CLDN5: variants seen among roughly 807,000 people sequenced by gnomAD.
CLDN5 encodes claudin 5, also known as claudin-5.
In CLDN5, 4 loss-of-function variants were observed where a neutral mutation model predicts 1.3. That is an observed-to-expected ratio of 3.07 (90% CI 1.51 to 7.03). The LOEUF is 7.03. CLDN5 is among the 30% of genes most tolerant of loss of function. The pLI, the probability that CLDN5 is intolerant of heterozygous loss-of-function variation, is 0.00. For synonymous variants in CLDN5, 156 were observed against 152.3 expected, an observed-to-expected ratio of 1.02 and a Z score of -0.18; for missense variants, 225 against 303.5, an observed-to-expected ratio of 0.74 and a Z score of 1.92.
upstream of CLDN5, chr22:19,524,941 A>G (rs753078134): frequency 3.9e-6 from 4 of 1,024,252 alleles, no homozygotes; most frequent in Non-Finnish European, 4.7e-6. Context: ...CTCACTCTCC[A>G]GCCCCGCTCT....
chr22:19,523,711 C>A lies in CLDN5; in HGVS notation c.545G>T (p.Cys182Phe), dbSNP rs2146465287. The A allele has an allele frequency of 6.2e-7, 1 of 1,606,866 alleles. No individual in the cohort carries two copies. Among genetic ancestry groups the A allele is most frequent in the South Asian group, 1.1e-5 (1 of 90,730 alleles). ...ALLMVGGCLL[C>F]CGAWVCTGRP... The stretch of plus-strand genomic sequence containing the variant: ...GCCGGTGCAGACCCAGGCGCCGCAG[C>A]ACAAGAGGCAGCCGCCTACCATGAG... Residue 182 changes from cysteine to phenylalanine, a missense_variant, in exon 1 of 1, where the codon TGC becomes TTC. Cys to Phe is a radical substitution (Grantham distance 205). Transcript: ENST00000618236.
Position 19,523,582 on chromosome 22 carries a change from G to A in CLDN5, c.*17C>T, listed in dbSNP as rs780765409. ...CAGGCGTGGCTGGCAGGAGGGGCCC[G>A]GCCGTGCCCAGCGCCCTCAGACGTA... On this transcript the variant is annotated 3_prime_UTR_variant, in exon 1 of 1. Coordinates refer to ENST00000618236, the MANE Select transcript of CLDN5 (RefSeq NM_001363066.2). 2 of 1,545,640 alleles carry A rather than the reference G, an allele frequency of 1.3e-6. No homozygotes were observed. Among genetic ancestry groups the A allele is most frequent in the South Asian group, 1.2e-5 (1 of 82,590 alleles).
At position 19,524,313 on chromosome 22, in the gene CLDN5, G is replaced by C; in HGVS notation, c.-58C>G. 6.6e-7 allele frequency: 1 copy of C among 1,516,676 alleles called. No homozygotes were observed. Among genetic ancestry groups the C allele is most frequent in the Non-Finnish European group, 8.8e-7 (1 of 1,131,268 alleles). 94.0% of individuals were successfully genotyped at this position (1,516,676 alleles called of 1,614,324 possible). A position where few individuals can be genotyped will look rare whatever the true frequency, so the allele number is the denominator to read the frequency against. ...CAGAACCCCCAAGGCCGTGCTGCGC[G>C]GCGCCCTGGGCGGGCCCTGGTGCCT... On this transcript the variant is annotated 5_prime_UTR_variant, in exon 1 of 1. Coordinates refer to ENST00000618236, the MANE Select transcript of CLDN5 (RefSeq NM_001363066.2).
upstream of CLDN5, chr22:19,525,238 T>A: frequency 1.0e-6 from 1 of 1,000,426 alleles, no homozygotes; most frequent in Non-Finnish European, 1.2e-6. Flanking sequence ...GTGACACCAC[T>A]TCAGGAAGTT....
chr22:19,525,021 C>T (rs1381303564), upstream of CLDN5: 2 of 1,003,108 alleles, frequency 2.0e-6, no homozygotes, highest in African/African-American at 3.5e-5. Context: ...AGGTCAGGCC[C>T]AGGGCCCCAG....
At position 19,523,454 on chromosome 22, in the gene CLDN5, C is replaced by G; in HGVS notation, c.*145G>C. The G allele has an allele frequency of 8.4e-7, 1 of 1,190,098 alleles. No homozygotes were observed. Among genetic ancestry groups the G allele is most frequent in the Non-Finnish European group, 1.1e-6 (1 of 889,044 alleles). The allele number at this position is 1,190,098 out of a possible 1,614,324, so 73.7% of individuals were successfully genotyped here. ...CGCAGGCAGGAGCGGATCCAGGAGC[C>G]GCGTCGGGGCGCAGAGCCGGACGTT... On this transcript the variant is annotated 3_prime_UTR_variant, in exon 1 of 1. Coordinates refer to ENST00000618236, the MANE Select transcript of CLDN5 (RefSeq NM_001363066.2).
chr22:19,524,659 T>A (rs955418146), upstream of CLDN5: 1 of 1,335,200 alleles, frequency 7.5e-7, no homozygotes, highest in African/African-American at 1.6e-5. Flanking sequence ...GAGCGCATTC[T>A]GGGCTGGCCT....
upstream of CLDN5, chr22:19,525,259 C>T: frequency 1.0e-6 from 1 of 1,000,318 alleles, no homozygotes; most frequent in Non-Finnish European, 1.2e-6. Flanking sequence ...CCCAGTGACC[C>T]AGCACACTGG....
At position 19,523,616 on chromosome 22, in the gene CLDN5, TGTC is replaced by T. The variant is rs749006228; in HGVS notation, c.637_639del (p.Asp213del). On this transcript the variant is annotated inframe_deletion, in exon 1 of 1. Coordinates refer to ENST00000618236, the MANE Select transcript of CLDN5 (RefSeq NM_001363066.2). ...CAGCGCCCTCAGACGTAGTTCTTCT[TGTC>T]GTAGTCGCCGGTGGCCGTGGGCCGC... 10 of 1,596,298 alleles carry T rather than the reference TGTC, an allele frequency of 6.3e-6. No homozygotes were observed. The highest frequency in any genetic ancestry group is 4.4e-5 in the South Asian group (4 of 90,554).
Position 19,524,093 on chromosome 22 carries a change from C to A in CLDN5, c.163G>T (p.Val55Leu), listed in dbSNP as rs1403627357. 1 of 1,606,698 alleles carries A rather than the reference C, an allele frequency of 6.2e-7. No individual in the cohort carries two copies. The highest frequency in any genetic ancestry group is 8.5e-7 in the Non-Finnish European group (1 of 1,179,702). The change falls in exon 1 of 1, where the codon GTG becomes TTG. Residue 55 changes from valine to leucine, a missense_variant. Physicochemically the swap from Val to Leu is conservative, Grantham distance 32. Coordinates refer to ENST00000618236, the MANE Select transcript of CLDN5 (RefSeq NM_001363066.2). ...TTWKGLWMSC[V>L]VQSTGHMQCK... is the part of the protein sequence containing the mutation. ...TGCATGTGCCCGGTGCTCTGCACCACGCACGACATCCACAGCCCCTTCCAG... is the reference window on the plus strand; with the variant it reads ...TGCATGTGCCCGGTGCTCTGCACCAAGCACGACATCCACAGCCCCTTCCAG...
upstream of CLDN5, chr22:19,524,474 C>T: frequency 7.0e-7 from 1 of 1,433,458 alleles, no homozygotes; most frequent in South Asian, 1.5e-5. Flanking sequence ...CGGGCCCGGC[C>T]CCCCGGCCCG....
chr22:19,524,928 A>T, upstream of CLDN5: 1 of 1,034,046 alleles, frequency 9.7e-7, no homozygotes, highest in Non-Finnish European at 1.2e-6. Context: ...CCTTTCTCGC[A>T]CTCTCACTCT....
chr22:19,523,647 C>T lies in CLDN5; in HGVS notation c.609G>A (p.Pro203=). Residue 203 remains proline (P), a synonymous_variant, in exon 1 of 1, where the codon CCG becomes CCA. Transcript: ENST00000618236. Reference sequence around the variant, plus strand: ...AGTCGCCGGTGGCCGTGGGCCGCCGCGGCGCTGAGTACTTCACGGGGAAGC... The same window carrying T: ...AGTCGCCGGTGGCCGTGGGCCGCCGTGGCGCTGAGTACTTCACGGGGAAGC... The part of the protein sequence containing the change: ...DLSFPVKYSA[P]RRPTATGDYD... 5 of 1,602,510 alleles carry T rather than the reference C, an allele frequency of 3.1e-6. No homozygotes were observed. The highest frequency in any genetic ancestry group is 1.3e-5 in the African/African-American group (1 of 74,858).
chr22:19,524,243 C>T lies in CLDN5; in HGVS notation c.13G>A (p.Ala5Thr). ...AGCACCAGGCCCAGGATCTCCAACG[C>T]TGCGGACCCCATGGCTAGAGGCGAG... MGSA[A>T]LEILGLVLCL... Residue 5 changes from alanine (A) to threonine (T), a missense_variant, in exon 1 of 1, where the codon GCG (alanine) becomes ACG (threonine). Around this residue, in one of 3 missense-constraint regions of CLDN5, gnomAD observed 41 missense variants for 40.5 expected, o/e 1.01. Transcript: ENST00000618236. 6.3e-7 allele frequency: 1 copy of T among 1,582,216 alleles called. No homozygotes were observed. Among genetic ancestry groups the T allele is most frequent in the South Asian group, 1.1e-5 (1 of 87,482 alleles).
In CLDN5 at chr22:19,523,674, G is replaced by C; in HGVS notation, c.582C>G (p.Leu194=). Residue 194 remains leucine, a synonymous_variant, in exon 1 of 1, where the codon CTC becomes CTG. Transcript: ENST00000618236. ...GAWVCTGRPD[L]SFPVKYSAPR... ...GCGCTGAGTACTTCACGGGGAAGCT[G>C]AGGTCGGGACGGCCGGTGCAGACCC... 2 of 1,607,670 alleles carry C rather than the reference G, an allele frequency of 1.2e-6. No homozygotes were observed. Among genetic ancestry groups the C allele is most frequent in the Non-Finnish European group, 1.7e-6 (2 of 1,179,466 alleles).
At position 19,524,389 on chromosome 22, in the gene CLDN5, T is replaced by C; in HGVS notation, c.-134A>G. The C allele has an allele frequency of 6.8e-7, 1 of 1,465,230 alleles. No individual in the cohort carries two copies. Among genetic ancestry groups the C allele is most frequent in the Non-Finnish European group, 9.0e-7 (1 of 1,107,508 alleles). 90.8% of individuals were successfully genotyped at this position (1,465,230 alleles called of 1,614,324 possible). On this transcript the variant is annotated 5_prime_UTR_variant, in exon 1 of 1. Coordinates refer to ENST00000618236, the MANE Select transcript of CLDN5 (RefSeq NM_001363066.2). ...CCCCAGTCCGTTTGCCCCGCGGGTCTGTCGCACCTCCTGGGTCTGCCAGCT... is the reference window on the plus strand; with the variant it reads ...CCCCAGTCCGTTTGCCCCGCGGGTCCGTCGCACCTCCTGGGTCTGCCAGCT...
rs893741482 is a variant in CLDN5, at chr22:19,523,522, C to A, written c.*77G>T. 14 of 1,474,604 alleles carry A rather than the reference C, an allele frequency of 9.5e-6. No homozygotes were observed. Among genetic ancestry groups the A allele is most frequent in the African/African-American group, 1.4e-5 (1 of 69,084 alleles). The allele number at this position is 1,474,604 out of a possible 1,614,324, so 91.3% of individuals were successfully genotyped here. On this transcript the variant is annotated 3_prime_UTR_variant, in exon 1 of 1. Transcript: ENST00000618236. Reference sequence around the variant, plus strand: ...CGCGCTACCCGGCGGAAGCCGCGGTCCATGCGGGGCTCCCCAGGCTTATCC... The same window carrying A: ...CGCGCTACCCGGCGGAAGCCGCGGTACATGCGGGGCTCCCCAGGCTTATCC...
Position 19,523,671 on chromosome 22 carries a change from G to C in CLDN5, c.585C>G (p.Ser195Arg). 1.2e-6 allele frequency: 2 copies of C among 1,607,478 alleles called. No homozygotes were observed. The highest frequency in any genetic ancestry group is 1.7e-6 in the Non-Finnish European group (2 of 1,179,456). The change falls in exon 1 of 1, where the codon AGC (serine) becomes AGG (arginine). Residue 195 changes from serine (S) to arginine (R), a missense_variant. Ser to Arg is a moderately radical substitution (Grantham distance 110). Coordinates refer to ENST00000618236, the MANE Select transcript of CLDN5 (RefSeq NM_001363066.2). ...GCGGCGCTGAGTACTTCACGGGGAA[G>C]CTGAGGTCGGGACGGCCGGTGCAGA... ...AWVCTGRPDL[S>R]FPVKYSAPRR...
At position 19,523,795 on chromosome 22, in the gene CLDN5, A is replaced by C; in HGVS notation, c.461T>G (p.Val154Gly). Reference protein sequence around the residue: ...VREFYDPSVPVSQKYELGAAL... With the variant: ...VREFYDPSVPGSQKYELGAAL... The stretch of plus-strand genomic sequence containing the variant: ...TGCGCCCAGCTCGTACTTCTGCGAC[A>C]CGGGCACAGACGGGTCGTAAAACTC... Residue 154 changes from valine to glycine, a missense_variant, in exon 1 of 1, where the codon GTG becomes GGG. Physicochemically the swap from Val to Gly is moderately radical, Grantham distance 109. Transcript: ENST00000618236. 1 of 1,606,226 alleles carries C rather than the reference A, an allele frequency of 6.2e-7. No individual in the cohort carries two copies. The highest frequency in any genetic ancestry group is 1.1e-5 in the South Asian group (1 of 90,236).
Sources: allele counts gnomAD v4.1 joint callset, GRCh38; gene constraint gnomAD v4.1.1; regional missense constraint gnomAD v4.1.1; transcripts MANE v1.5; gene names NCBI Gene and HGNC (gene_info 2026-07-23, HGNC 2026-07-21).